MLF1: variants seen among roughly 807,000 people sequenced by gnomAD.
MLF1 encodes the protein myelodysplasia-myeloid leukemia factor 1.
A neutral mutation model predicts 38.3 loss-of-function variants in MLF1; 37 were observed. The ratio of observed to expected loss-of-function variants is 0.96; its 90% confidence interval spans 0.74 to 1.27. The LOEUF is 1.27. MLF1 is among the 50% of genes most tolerant of loss of function. The probability of loss-of-function intolerance (pLI) is 0.00; values close to 1 mark genes in which losing one functional copy is unlikely to be tolerated. For missense variants in MLF1, 331 were observed against 349.2 expected, an observed-to-expected ratio of 0.95 and a Z score of 0.42; for synonymous variants, 95 against 106.5, an observed-to-expected ratio of 0.89 and a Z score of 0.66.
rs532738089 is a variant in MLF1, at chr3:158,599,976, T to A, written c.454-38T>A. On this transcript the variant is annotated intron_variant, in intron 5 of 7. Coordinates refer to ENST00000466246, the MANE Select transcript of MLF1 (RefSeq NM_001369783.1). ...CTGGCCCTGAGATATACATTCTATA[T>A]ATATTTAAATAATAATAAAATTTCT... The A allele has an allele frequency of 4.0e-6, 4 of 1,009,692 alleles. No homozygotes were observed. In the South Asian group the frequency reaches 1.5e-4, roughly 37 times the overall value. The allele number at this position is 1,009,692 out of a possible 1,614,324, so 62.5% of individuals were successfully genotyped here.
intron 5 of MLF1, among the ~76,000 whole-genome samples, chr3:158,599,419 T>A (rs1719403944): frequency 6.6e-6 from 1 of 152,216 alleles, no homozygotes; most frequent in South Asian, 2.1e-4. Context: ...AGTAGTACAT[T>A]TTTTAGTTCT....
chr3:158,586,807 G>A (rs1717315048), intron 1 of MLF1, among the ~76,000 whole-genome samples: 1 of 97,086 alleles, frequency 1.0e-5, no homozygotes, highest in Non-Finnish European at 2.1e-5. Context: ...AGGAAAAAAT[G>A]TGGAAATAAG....
chr3:158,584,266 CA>C (rs1209556282), intron 1 of MLF1, among the ~76,000 whole-genome samples: 1 of 152,086 alleles, frequency 6.6e-6, no homozygotes, highest in Non-Finnish European at 1.5e-5. Context: ...AAGGCTTAAC[CA>C]CGTATGCATA....
chr3:158,572,887 G>C (rs1007540488), intron 1 of MLF1, among the ~76,000 whole-genome samples: 2 of 151,564 alleles, frequency 1.3e-5, no homozygotes, highest in African/African-American at 2.4e-5. Context: ...GCATGAGATG[G>C]AAAGAAGGCC....
intron 1 of MLF1, chr3:158,582,648 C>T: frequency 2.6e-6 from 1 of 387,862 alleles, no homozygotes; most frequent in Non-Finnish European, 4.5e-6. Context: ...TATCTGACTT[C>T]TCTTCAGAGA....
At position 158,593,862 on chromosome 3, in the gene MLF1, C is replaced by A. The variant is rs182289990; in HGVS notation, c.240+436C>A. Among the ~76,000 whole-genome samples, 298 of 152,278 alleles carry A rather than the reference C, an allele frequency of 2.0e-3. 1 individual carries two copies. The Middle Eastern group carries it at 0.031, about 16-fold the overall frequency. ...TTTTGTTGCCACCTTGCCCAGGCAG[C>A]TTTTTCTTGTCTGTTCTTAAGAATG... On this transcript the variant is annotated intron_variant, in intron 3 of 7. Coordinates refer to ENST00000466246, the MANE Select transcript of MLF1 (RefSeq NM_001369783.1).
intron 1 of MLF1, among the ~76,000 whole-genome samples, chr3:158,575,090 A>C (rs1458402470): frequency 6.6e-6 from 1 of 152,184 alleles, no homozygotes; most frequent in Non-Finnish European, 1.5e-5. Flanking sequence ...AACAGACTAC[A>C]AATAGTAAGC....
chr3:158,598,403 A>AT (rs11336788), intron 5 of MLF1, among the ~76,000 whole-genome samples, 195 bp downstream of exon 5: 1 of 149,724 alleles, frequency 6.7e-6, no homozygotes. Flanking sequence ...AGTTTGTGGC[A>AT]TTTTTTTTGT....
At chr3:158,584,336 T>C (rs1429685131) in intron 1 of MLF1, among the ~76,000 whole-genome samples, 1 of 152,200 alleles carries the variant, frequency 6.6e-6, no homozygotes, top group Non-Finnish European at 1.5e-5. Flanking sequence ...AGATTTGAGC[T>C]ACCACGCAAG....
Position 158,602,923 on chromosome 3 carries a change from C to G in MLF1, c.730C>G (p.Arg244Gly), listed in dbSNP as rs200248107. 7 of 1,610,422 alleles carry G rather than the reference C, an allele frequency of 4.3e-6. No individual in the cohort carries two copies. Among genetic ancestry groups the G allele is most frequent in the Non-Finnish European group, 5.9e-6 (7 of 1,178,306 alleles). ...RSVGHENPGS[R>G]ELKRREKPQQ... Reference sequence around the variant, plus strand: ...TGTTGGCCATGAGAATCCTGGCTCCCGAGAACTTAAAAGAAGGTAAAAGTT... The same window carrying G: ...TGTTGGCCATGAGAATCCTGGCTCCGGAGAACTTAAAAGAAGGTAAAAGTT... Residue 244 changes from arginine (R) to glycine (G), a missense_variant, in exon 7 of 8, where the codon CGA becomes GGA. Arg to Gly is a moderately radical substitution (Grantham distance 125). Coordinates refer to ENST00000466246, the MANE Select transcript of MLF1 (RefSeq NM_001369783.1).
intron 4 of MLF1, 66 bp from the exon 5 acceptor site, chr3:158,598,014 T>A: frequency 6.5e-7 from 1 of 1,542,202 alleles, no homozygotes; most frequent in Non-Finnish European, 8.9e-7. Flanking sequence ...TTGTTACTTA[T>A]TTGAACTCTC....
Position 158,578,505 on chromosome 3 carries a change from AACACAC to A in MLF1, c.47+7177_47+7182del, listed in dbSNP as rs112630390. On this transcript the variant is annotated intron_variant, in intron 1 of 7. Coordinates refer to ENST00000466246, the MANE Select transcript of MLF1 (RefSeq NM_001369783.1). ...GTACGTATGTACATACATACATACA[AACACAC>A]ACACACACACACACACACGTACACA... Among the ~76,000 whole-genome samples the A allele has an allele frequency of 2.5e-3, 363 of 147,380 alleles. 3 individuals carry two copies. The highest frequency in any genetic ancestry group is 8.0e-3 in the African/African-American group (322 of 40,452).
chr3:158,604,411 A>G (rs571291613), intron 7 of MLF1, among the ~76,000 whole-genome samples: 1 of 152,188 alleles, frequency 6.6e-6, no homozygotes, highest in African/African-American at 2.4e-5. Flanking sequence ...CTATATATCT[A>G]TTCTGTCCAG....
chr3:158,580,250 T>C (rs1716125131), intron 1 of MLF1, among the ~76,000 whole-genome samples: 1 of 150,984 alleles, frequency 6.6e-6, no homozygotes, highest in South Asian at 2.1e-4. Context: ...TGTTCACCTA[T>C]GTAACAAACC....
rs529226479 is a variant in MLF1 at position 158,573,330 on chromosome 3, C to T, written c.47+1983C>T. On this transcript the variant is annotated intron_variant, in intron 1 of 7. Transcript: ENST00000466246. ...CTTGTTTGTGAAGGGACTCCGCTTT[C>T]TGTCAAAACTAGAAATAGGACAGGG... The T allele has an allele frequency of 2.1e-5, 3 of 139,938 alleles. No homozygotes were observed. The South Asian group carries it at 6.9e-4, about 32-fold the overall frequency. 8.7% of individuals were successfully genotyped at this position (139,938 alleles called of 1,614,324 possible).
intron 1 of MLF1, among the ~76,000 whole-genome samples, chr3:158,572,981 G>A (rs957433418): frequency 5.3e-5 from 8 of 151,646 alleles, no homozygotes; most frequent in Admixed American, 2.0e-4. Flanking sequence ...TGCAGAGTTG[G>A]CCTTTGCAGC....
chr3:158,582,863 G>GA, intron 1 of MLF1: 1 of 687,662 alleles, frequency 1.5e-6, no homozygotes, highest in South Asian at 1.6e-5. Context: ...CAGAGAGAAG[G>GA]AAAATCATAC....
At chr3:158,582,801 TGA>T (rs1371751398) in intron 1 of MLF1, 2 of 634,298 alleles carry the variant, frequency 3.2e-6, no homozygotes, top group Non-Finnish European at 5.5e-6. Context: ...AAAAATTTGG[TGA>T]ATTTGTTGAC....
chr3:158,571,237 C>T lies in MLF1; in HGVS notation c.-64C>T, dbSNP rs1714224836. 5.8e-6 allele frequency: 8 copies of T among 1,368,980 alleles called. No individual in the cohort carries two copies. In the South Asian group the frequency reaches 7.1e-5, roughly 12 times the overall value. The allele number at this position is 1,368,980 out of a possible 1,614,324, so 84.8% of individuals were successfully genotyped here. Reference sequence around the variant, plus strand: ...ACTGGAGGCTAGCTCTTGTCGCGGCCGCGGCGAGTTAACATCGTTTTTCCA... The same window carrying T: ...ACTGGAGGCTAGCTCTTGTCGCGGCTGCGGCGAGTTAACATCGTTTTTCCA... On this transcript the variant is annotated 5_prime_UTR_variant, in exon 1 of 8. Coordinates refer to ENST00000466246, the MANE Select transcript of MLF1 (RefSeq NM_001369783.1).
Sources: gnomAD v4.1 joint callset for allele counts (sites outside exome capture counted in the v4.1 genomes callset) on GRCh38, gnomAD v4.1.1 for gene constraint, MANE v1.5 for transcripts, NCBI Gene and HGNC (gene_info 2026-07-23, HGNC 2026-07-21) for gene names.